The following CLRN3 variants were observed in gnomAD, a reference collection of about 807,000 sequenced individuals.
The protein encoded by CLRN3 is clarin 3.
In CLRN3, 12 loss-of-function variants were observed where a neutral mutation model predicts 16.7. That is an observed-to-expected ratio of 0.72 (90% CI 0.46 to 1.16). The LOEUF (loss-of-function observed/expected upper bound fraction) is 1.16. Among genes scored for constraint, CLRN3 ranks in the 50% most tolerant of loss-of-function variants. The pLI is 0.00. For synonymous variants in CLRN3, 118 were observed against 113.0 expected (o/e 1.04, Z -0.28); for missense variants, 296 against 274.2 (o/e 1.08, Z -0.56).
chr10:127,880,274 A>T (rs188804611), intron 2 of CLRN3, among the ~76,000 whole-genome samples: 13,434 of 152,136 alleles, frequency 0.088, 775 homozygotes, highest in Non-Finnish European at 0.13. Flanking sequence ...CGGGCTGCCT[A>T]GAACTTTGAT....
chr10:127,877,994 A>T lies in CLRN3; in HGVS notation c.*155T>A. 1.1e-6 allele frequency: 1 copy of T among 927,516 alleles called. No individual in the cohort carries two copies. Among genetic ancestry groups the T allele is most frequent in the Non-Finnish European group, 1.6e-6 (1 of 633,146 alleles). 57.5% of individuals were successfully genotyped at this position (927,516 alleles called of 1,614,324 possible). On this transcript the variant is annotated 3_prime_UTR_variant, in exon 3 of 3. Coordinates refer to ENST00000368671, the MANE Select transcript of CLRN3 (RefSeq NM_152311.5). The stretch of plus-strand genomic sequence containing the variant: ...CAACCTTGTGGGAAAAATTTTCAGG[A>T]GTACAGCATCAATGAAGAACACAGT...
At position 127,878,259 on chromosome 10, in the gene CLRN3, T is replaced by G; in HGVS notation, c.571A>C (p.Asn191His). 6.2e-7 allele frequency: 1 copy of G among 1,614,226 alleles called. No individual in the cohort carries two copies. Among genetic ancestry groups the G allele is most frequent in the Non-Finnish European group, 8.5e-7 (1 of 1,180,046 alleles). Residue 191 changes from asparagine (N) to histidine (H), a missense_variant, in exon 3 of 3, where the codon AAT (asparagine) becomes CAT (histidine). Physicochemically the swap from Asn to His is moderately conservative, Grantham distance 68 (BLOSUM62 1). Transcript: ENST00000368671. ...ATGATGATGGTTACAGTGACTATAT[T>G]TAGAAGAATGACGAGCAGTATGAGC... ...FWLILLVILL[N>H]IVTVTIIIFY...
Position 127,883,704 on chromosome 10 carries a change from C to T in CLRN3, c.401G>A (p.Gly134Glu). 6.2e-7 allele frequency: 1 copy of T among 1,612,574 alleles called. No individual in the cohort carries two copies. The highest frequency in any genetic ancestry group is 1.3e-5 in the African/African-American group (1 of 74,950). ...LGPTGVYTWNGLGASFVFVTM... is the reference protein window; with the variant it reads ...LGPTGVYTWNELGASFVFVTM... ...CTCACAGGGCCACTCACCACCGAGCCCGTTCCAGGTGTACACCCCCGTCGG... is the reference window on the plus strand; with the variant it reads ...CTCACAGGGCCACTCACCACCGAGCTCGTTCCAGGTGTACACCCCCGTCGG... Residue 134 changes from glycine (G) to glutamate (E), a missense_variant, in exon 2 of 3, where the codon GGG becomes GAG. By Grantham distance (98) the Gly-to-Glu change is moderately conservative (BLOSUM62 -2). Coordinates refer to ENST00000368671, the MANE Select transcript of CLRN3 (RefSeq NM_152311.5).
intron 2 of CLRN3, among the ~76,000 whole-genome samples, chr10:127,881,430 A>C (rs1202443675): frequency 1.3e-5 from 2 of 152,184 alleles, no homozygotes; most frequent in Non-Finnish European, 2.9e-5. Context: ...AAGGCAGTGG[A>C]CTTTGAACCC....
chr10:127,880,942 G>A (rs774693370), intron 2 of CLRN3, among the ~76,000 whole-genome samples: 2 of 152,164 alleles, frequency 1.3e-5, no homozygotes, highest in Non-Finnish European at 2.9e-5. Context: ...TCTGCAGGCT[G>A]AGCCTCCTGG....
In CLRN3 at chr10:127,877,885, C is replaced by A; in HGVS notation, c.*264G>T. On this transcript the variant is annotated 3_prime_UTR_variant, in exon 3 of 3. Transcript: ENST00000368671. The stretch of plus-strand genomic sequence containing the variant: ...CCTTTTATTATTTCAGATCGTGAGA[C>A]CAGGTCAGAAGGGTCGTTACGCTCA... 4.7e-6 allele frequency: 2 copies of A among 422,194 alleles called. No individual in the cohort carries two copies. The highest frequency in any genetic ancestry group is 8.6e-6 in the Non-Finnish European group (2 of 231,548). The allele number at this position is 422,194 out of a possible 1,614,324, so 26.2% of individuals were successfully genotyped here.
At chr10:127,878,851 G>A (rs180874351) in intron 2 of CLRN3, among the ~76,000 whole-genome samples, 3 of 152,270 alleles carry the variant, frequency 2.0e-5, no homozygotes, top group South Asian at 4.2e-4. Context: ...TGGGCAGTGG[G>A]CCTGGAGCAC....
chr10:127,883,872 A>G lies in CLRN3; in HGVS notation c.233T>C (p.Leu78Ser), dbSNP rs755477937. 1.2e-6 allele frequency: 2 copies of G among 1,614,144 alleles called. No individual in the cohort carries two copies. The highest frequency in any genetic ancestry group is 1.7e-6 in the Non-Finnish European group (2 of 1,179,954). ...TTGGGAAGAATTATTCAGTATCTCTAAAACTAAAACAATGTTTTGTGAGTG... is the reference window on the plus strand; with the variant it reads ...TTGGGAAGAATTATTCAGTATCTCTGAAACTAAAACAATGTTTTGTGAGTG... ...LAEPKKKFAVLEILNNSSQKT... is the reference protein window; with the variant it reads ...LAEPKKKFAVSEILNNSSQKT... The change falls in exon 2 of 3, where the codon TTA becomes TCA. Residue 78 changes from leucine (L) to serine (S), a missense_variant. Coordinates refer to ENST00000368671, the MANE Select transcript of CLRN3 (RefSeq NM_152311.5).
chr10:127,889,051 T>C (rs1414787806), intron 1 of CLRN3, among the ~76,000 whole-genome samples: 1 of 152,222 alleles, frequency 6.6e-6, no homozygotes, highest in Non-Finnish European at 1.5e-5. Flanking sequence ...CCCACACATC[T>C]GCAAATCAGA....
At chr10:127,886,009 C>G (rs1845189777) in intron 1 of CLRN3, among the ~76,000 whole-genome samples, 1 of 152,106 alleles carries the variant, frequency 6.6e-6, no homozygotes, top group African/African-American at 2.4e-5. Context: ...CCCGCCTTGG[C>G]CTACCAAAGT....
intron 1 of CLRN3, among the ~76,000 whole-genome samples, chr10:127,885,779 G>A (rs986919957): frequency 6.6e-6 from 1 of 152,012 alleles, no homozygotes; most frequent in African/African-American, 2.4e-5. Context: ...TTTTGAGTTG[G>A]AGTTTCACTC....
At chr10:127,883,550 C>T in intron 2 of CLRN3, 146 bp downstream of exon 2, 1 of 650,568 alleles carries the variant, frequency 1.5e-6, no homozygotes, top group Non-Finnish European at 2.8e-6. Flanking sequence ...ACAAAATAAA[C>T]CCCAGCCCTC....
rs1206482654 is a variant in CLRN3 at position 127,883,684 on chromosome 10, A to G, written c.409+12T>C. 8.8e-6 allele frequency: 14 copies of G among 1,595,964 alleles called. No individual in the cohort carries two copies. Among genetic ancestry groups the G allele is most frequent in the East Asian group, 2.2e-5 (1 of 44,772 alleles). On this transcript the variant is annotated intron_variant, in intron 2 of 2. Coordinates refer to ENST00000368671, the MANE Select transcript of CLRN3 (RefSeq NM_152311.5). ...TTTTCTGCAGAGCACCGAGTCTCAC[A>G]GGGCCACTCACCACCGAGCCCGTTC...
intron 2 of CLRN3, among the ~76,000 whole-genome samples, chr10:127,883,223 T>C (rs931650724): frequency 6.6e-6 from 1 of 152,162 alleles, no homozygotes; most frequent in Non-Finnish European, 1.5e-5. Flanking sequence ...AAGTGGACTC[T>C]TGTCATGTGG....
intron 2 of CLRN3, 76 bp downstream of exon 2, chr10:127,883,620 T>A: frequency 9.7e-7 from 1 of 1,027,166 alleles, no homozygotes; most frequent in African/African-American, 1.6e-5. Context: ...TGTTCATGCA[T>A]GTGTGAGAGG....
chr10:127,885,578 T>C (rs1263472177), intron 1 of CLRN3, among the ~76,000 whole-genome samples: 11 of 152,258 alleles, frequency 7.2e-5, no homozygotes, highest in African/African-American at 2.6e-4. Flanking sequence ...TCTTTCTCTC[T>C]TTTTCTTCTG....
chr10:127,892,560 A>C lies in CLRN3; in HGVS notation c.225T>G (p.Phe75Leu), dbSNP rs756384869. The change falls in exon 1 of 3, where the codon TTT becomes TTG. Residue 75 changes from phenylalanine to leucine, a missense_variant. Transcript: ENST00000368671. ...TCAAATTAGTTTATCATTTACCTGC[A>C]AACTTTTTCTTTGGTTCTGCAAGTC... ...SHGLAEPKKK[F>L]AVLEILNNSS... 1.9e-6 allele frequency: 3 copies of C among 1,544,560 alleles called. No homozygotes were observed. The highest frequency in any genetic ancestry group is 2.2e-5 in the South Asian group (2 of 89,834).
chr10:127,889,491 G>A (rs945094023), intron 1 of CLRN3, among the ~76,000 whole-genome samples: 2 of 152,080 alleles, frequency 1.3e-5, no homozygotes, highest in Non-Finnish European at 2.9e-5. Flanking sequence ...GGGTGTTGTA[G>A]TGTATTCCTG....
chr10:127,885,945 G>T (rs887243793), intron 1 of CLRN3, among the ~76,000 whole-genome samples: 2 of 152,076 alleles, frequency 1.3e-5, no homozygotes, highest in African/African-American at 4.8e-5. Context: ...AGTAGAGATG[G>T]GGTTTGTCCA....
Sources: gnomAD v4.1 joint callset for allele counts (sites outside exome capture counted in the v4.1 genomes callset) on GRCh38, gnomAD v4.1.1 for gene constraint, MANE v1.5 for transcripts, NCBI Gene and HGNC (gene_info 2026-07-23, HGNC 2026-07-21) for gene names.